The following EDN3 variants were observed in gnomAD, a reference collection of about 807,000 sequenced individuals.
EDN3 encodes endothelin-3.
EDN3 carries 9 observed loss-of-function variants against 21.4 expected under a neutral mutation model. The ratio of observed to expected loss-of-function variants is 0.42; its 90% CI spans 0.25 to 0.73. The LOEUF (loss-of-function observed/expected upper bound fraction) is 0.73. Among genes scored for constraint, EDN3 ranks in the 30% least tolerant of loss-of-function variants. EDN3 has a pLI of 0.26. For synonymous variants in EDN3, 133 were observed against 126.2 expected (o/e 1.05, Z -0.36); for missense variants, 327 against 309.4 (o/e 1.06, Z -0.43).
intron 2 of EDN3, among the ~76,000 whole-genome samples, chr20:59,304,566 G>GT (rs1989268994): frequency 6.6e-6 from 1 of 152,184 alleles, no homozygotes; most frequent in Non-Finnish European, 1.5e-5. Context: ...ATCCAGCTGC[G>GT]TGAAGACAGA....
intron 3 of EDN3, 54 bp downstream of exon 3, chr20:59,321,247 AAGGCC>A: frequency 6.3e-7 from 1 of 1,593,312 alleles, no homozygotes. Flanking sequence ...AACCCTCGGC[AAGGCC>A]AGGCCAGGGG....
At chr20:59,317,832 C>G (rs868736231) in intron 2 of EDN3, among the ~76,000 whole-genome samples, 46 of 152,322 alleles carry the variant, frequency 3.0e-4, no homozygotes, top group Non-Finnish European at 2.2e-4. Context: ...ACCAGTTGCT[C>G]AATCAATAAT....
chr20:59,301,638 C>T lies in EDN3; in HGVS notation c.281C>T (p.Ser94Phe), dbSNP rs1195179854. Residue 94 changes from serine (S) to phenylalanine (F), a missense_variant, in exon 2 of 5, where the codon TCC (serine) becomes TTC (phenylalanine). By Grantham distance (155) the Ser-to-Phe change is radical (BLOSUM62 -2). Coordinates refer to ENST00000337938, the MANE Select transcript of EDN3 (RefSeq NM_207034.3). ...GAGGGGGCCCCTGAGCACCACCGATCCAGGCGCTGCACGTGCTTCACCTAC... is the reference window on the plus strand; with the variant it reads ...GAGGGGGCCCCTGAGCACCACCGATTCAGGCGCTGCACGTGCTTCACCTAC... ...AAEGAPEHHRSRRCTCFTYKD... is the reference protein window; with the variant it reads ...AAEGAPEHHRFRRCTCFTYKD... 6.2e-7 allele frequency: 1 copy of T among 1,614,076 alleles called. No homozygotes were observed.
In EDN3 at chr20:59,324,452, C is replaced by A. The variant is rs770841292; in HGVS notation, c.710C>A (p.Ala237Asp). The change falls in exon 5 of 5, where the codon GCC becomes GAC. Residue 237 changes from alanine (A) to aspartate (D), a missense_variant. Ala to Asp is a moderately radical substitution (Grantham distance 126). Transcript: ENST00000337938. ...TCPRCLFQEG[A>D]P ...CCCCGCTGCCTCTTTCAGGAAGGAGCCCCTTAGGAGGACAGGCCTGCAGCA... is the reference window on the plus strand; with the variant it reads ...CCCCGCTGCCTCTTTCAGGAAGGAGACCCTTAGGAGGACAGGCCTGCAGCA... The A allele has an allele frequency of 1.9e-6, 3 of 1,614,094 alleles. No individual in the cohort carries two copies. The highest frequency in any genetic ancestry group is 1.7e-6 in the Non-Finnish European group (2 of 1,180,008).
chr20:59,318,018 A>T (rs943102270), intron 2 of EDN3, among the ~76,000 whole-genome samples: 4 of 152,122 alleles, frequency 2.6e-5, no homozygotes, highest in African/African-American at 9.7e-5. Flanking sequence ...CTCCCACCCC[A>T]CTGTAAGAGT....
intron 2 of EDN3, among the ~76,000 whole-genome samples, chr20:59,306,505 C>T (rs1462221849): frequency 6.6e-6 from 1 of 151,042 alleles, no homozygotes; most frequent in Non-Finnish European, 1.5e-5. Flanking sequence ...GGCCGGCTTC[C>T]CAGGCTGCCC....
At chr20:59,319,749 AAAG>A (rs1990410168) in intron 2 of EDN3, among the ~76,000 whole-genome samples, 1 of 151,828 alleles carries the variant, frequency 6.6e-6, no homozygotes, top group Non-Finnish European at 1.5e-5. Flanking sequence ...AAAAGAAAAA[AAAG>A]AAAAAAAGAA....
chr20:59,306,611 A>C (rs1461773514), intron 2 of EDN3, among the ~76,000 whole-genome samples: 1 of 151,770 alleles, frequency 6.6e-6, no homozygotes, highest in African/African-American at 2.4e-5. Flanking sequence ...AAAAAAAAAA[A>C]AAAAAAAAGC....
chr20:59,301,788 G>A (rs571964540), intron 2 of EDN3, 66 bp downstream of exon 2: 3 of 1,565,062 alleles, frequency 1.9e-6, no homozygotes, highest in African/African-American at 2.7e-5. Context: ...TCATTCCCAG[G>A]AGGACCTCAC....
rs545076993 is a variant in EDN3 at position 59,314,389 on chromosome 20, C to A, written c.366-6628C>A. ...GTTCACTGGTCACAAGCAACAGAAA[C>A]CTAGTCTAGCTGGCAAAGCACAGGA... On this transcript the variant is annotated intron_variant, in intron 2 of 4. Transcript: ENST00000337938. Among the ~76,000 whole-genome samples, 353 of 152,202 alleles carry A rather than the reference C, an allele frequency of 2.3e-3. 1 individual carries two copies. The highest frequency in any genetic ancestry group is 4.2e-3 in the Non-Finnish European group (288 of 68,030).
Position 59,324,965 on chromosome 20 carries a change from A to C in EDN3, c.*506A>C, listed in dbSNP as rs1409380933. The stretch of plus-strand genomic sequence containing the variant: ...TAGACACAGATCATAGCTCTACAGG[A>C]GTTTATGAATTTGAAGCTTATGGGA... On this transcript the variant is annotated 3_prime_UTR_variant, in exon 5 of 5. Transcript: ENST00000337938. 1 of 163,196 alleles carries C rather than the reference A, an allele frequency of 6.1e-6. No individual in the cohort carries two copies. Among genetic ancestry groups the C allele is most frequent in the African/African-American group, 2.4e-5 (1 of 41,766 alleles). 10.1% of individuals were successfully genotyped at this position (163,196 alleles called of 1,614,324 possible).
chr20:59,308,984 G>C (rs993488929), intron 2 of EDN3, among the ~76,000 whole-genome samples: 11 of 152,212 alleles, frequency 7.2e-5, no homozygotes, highest in Non-Finnish European at 1.5e-4. Flanking sequence ...CTGGGAAAAG[G>C]TGTGCCTGGC....
intron 2 of EDN3, among the ~76,000 whole-genome samples, chr20:59,306,595 T>TAAAAAAAAAAAAAAAAAAAAAAAA (rs57144708): frequency 6.4e-5 from 4 of 62,448 alleles, no homozygotes; most frequent in Non-Finnish European, 1.2e-4. Context: ...GCATAAAGAG[T>TAAAAAAAAAAAAAAAAAAAAAAAA]AAAAAAAAAA....
Position 59,324,444 on chromosome 20 carries a change from G to A in EDN3, c.702G>A (p.Gln234=). The change falls in exon 5 of 5, where the codon CAG becomes CAA. Residue 234 remains glutamine, a synonymous_variant. Transcript: ENST00000337938. The part of the protein sequence containing the change: ...APSTCPRCLF[Q]EGAP The stretch of plus-strand genomic sequence containing the variant: ...CTACCTGCCCCCGCTGCCTCTTTCA[G>A]GAAGGAGCCCCTTAGGAGGACAGGC... The A allele has an allele frequency of 6.2e-7, 1 of 1,614,058 alleles. No individual in the cohort carries two copies. Among genetic ancestry groups the A allele is most frequent in the Non-Finnish European group, 8.5e-7 (1 of 1,180,020 alleles).
intron 2 of EDN3, among the ~76,000 whole-genome samples, chr20:59,306,595 T>TAAAAAAAAAAAAAAAAA (rs57144708): frequency 2.0e-3 from 127 of 62,412 alleles, no homozygotes; most frequent in Non-Finnish European, 3.0e-3. Context: ...GCATAAAGAG[T>TAAAAAAAAAAAAAAAAA]AAAAAAAAAA....
rs546868214 is a variant in EDN3 at position 59,308,877 on chromosome 20, T to G, written c.365+7155T>G. On this transcript the variant is annotated intron_variant, in intron 2 of 4. Coordinates refer to ENST00000337938, the MANE Select transcript of EDN3 (RefSeq NM_207034.3). Reference sequence around the variant, plus strand: ...GGTCCACCTCTTTGGACCTTCTGACTCTGATCTTAGCTCCTGGAGTGCCCC... The same window carrying G: ...GGTCCACCTCTTTGGACCTTCTGACGCTGATCTTAGCTCCTGGAGTGCCCC... Among the ~76,000 whole-genome samples, 43 of 152,300 alleles carry G rather than the reference T, an allele frequency of 2.8e-4. No individual in the cohort carries two copies. In the East Asian group the frequency reaches 7.7e-3, roughly 27 times the overall value.
At chr20:59,310,214 G>A (rs891790685) in intron 2 of EDN3, among the ~76,000 whole-genome samples, 2 of 152,180 alleles carry the variant, frequency 1.3e-5, no homozygotes, top group African/African-American at 4.8e-5. Flanking sequence ...ACCACCCCGC[G>A]TTCCAGTGTA....
intron 2 of EDN3, among the ~76,000 whole-genome samples, chr20:59,304,787 C>T (rs987233340): frequency 2.0e-5 from 3 of 152,184 alleles, no homozygotes; most frequent in Non-Finnish European, 2.9e-5. Context: ...TGAGATTCCT[C>T]GGCTGTCCCT....
intron 4 of EDN3, 87 bp from the exon 5 acceptor site, chr20:59,324,244 C>T (rs764339954): frequency 4.8e-4 from 739 of 1,553,470 alleles, no homozygotes; most frequent in Non-Finnish European, 6.3e-4. Flanking sequence ...GGAAGACGTT[C>T]CCTTTTTCAG....
Sources: allele counts gnomAD v4.1 joint callset (sites outside exome capture counted in the v4.1 genomes callset), GRCh38; gene constraint gnomAD v4.1.1; transcripts MANE v1.5; gene names NCBI Gene and HGNC (gene_info 2026-07-23, HGNC 2026-07-21).